Variants in PRKAG2 observed in about 807,000 individuals in gnomAD.
PRKAG2 encodes 5'-AMP-activated protein kinase subunit gamma-2.
In PRKAG2, 26 loss-of-function variants were observed where a neutral mutation model predicts 69.6. That is an observed-to-expected ratio of 0.37 (90% CI 0.27 to 0.52). The LOEUF (loss-of-function observed/expected upper bound fraction) is 0.52. PRKAG2 is among the 20% of genes least tolerant of loss of function. The pLI is 0.90. For synonymous variants in PRKAG2, 293 were observed against 285.0 expected (o/e 1.03, Z -0.28); for missense variants, 557 against 740.0 (o/e 0.75, Z 2.87).
At chr7:151,700,549 C>T (rs1837503999) in intron 3 of PRKAG2, among the ~76,000 whole-genome samples, 1 of 152,182 alleles carries the variant, frequency 6.6e-6, no homozygotes, top group South Asian at 2.1e-4. Flanking sequence ...GCCCCACCCT[C>T]AGAGATTCAG....
At chr7:151,826,403 G>A (rs986410184) in intron 1 of PRKAG2, among the ~76,000 whole-genome samples, 14 of 151,910 alleles carry the variant, frequency 9.2e-5, no homozygotes, top group African/African-American at 2.4e-4. Context: ...GGCTGGTCTC[G>A]AACTCCTGAT....
At chr7:151,871,668 C>T (rs2080222764) in intron 1 of PRKAG2, among the ~76,000 whole-genome samples, 1 of 152,258 alleles carries the variant, frequency 6.6e-6, no homozygotes, top group African/African-American at 2.4e-5. Context: ...CCGTCCACTA[C>T]CCACTGGCCC....
intron 3 of PRKAG2, among the ~76,000 whole-genome samples, chr7:151,739,554 C>T (rs2073722322): frequency 6.6e-6 from 1 of 152,104 alleles, no homozygotes; most frequent in South Asian, 2.1e-4. Flanking sequence ...ACTGCAGCCT[C>T]CGCCTCCTGG....
At position 151,614,914 on chromosome 7, in the gene PRKAG2, T is replaced by C. The variant is rs1023161181; in HGVS notation, c.754+17155A>G. On this transcript the variant is annotated intron_variant, in intron 5 of 15. Coordinates refer to ENST00000287878, the MANE Select transcript of PRKAG2 (RefSeq NM_016203.4). The surrounding 1 kb of genome is among the most constrained non-coding windows in gnomAD (Gnocchi z 4.4). ...GGGCCATGTGGATCCAGAGGGAACC[T>C]CGAGAGAGGAGCCGTGTGGATCTAG... is the stretch of plus-strand genomic sequence containing the variant. Among the ~76,000 whole-genome samples, 1 of 151,588 alleles carries C rather than the reference T, an allele frequency of 6.6e-6. No individual in the cohort carries two copies. Among genetic ancestry groups the C allele is most frequent in the Non-Finnish European group, 1.5e-5 (1 of 67,870 alleles).
At chr7:151,591,172 A>G (rs1813031581) in intron 6 of PRKAG2, among the ~76,000 whole-genome samples, 1 of 152,146 alleles carries the variant, frequency 6.6e-6, no homozygotes, top group Non-Finnish European at 1.5e-5. Flanking sequence ...GCTGTTCCCA[A>G]TGTAGTATCT....
intron 3 of PRKAG2, among the ~76,000 whole-genome samples, chr7:151,779,370 C>T (rs929736086): frequency 1.3e-5 from 2 of 152,208 alleles, no homozygotes; most frequent in Non-Finnish European, 2.9e-5. Context: ...GGACCCTCTG[C>T]CTGCAGGGAC....
chr7:151,588,314 G>C (rs974377607), intron 6 of PRKAG2, among the ~76,000 whole-genome samples: 1 of 150,718 alleles, frequency 6.6e-6, no homozygotes, highest in African/African-American at 2.5e-5. Context: ...TCATGGGGGG[G>C]AGTCTTTCCC....
chr7:151,733,277 G>A (rs890852171), intron 3 of PRKAG2, among the ~76,000 whole-genome samples: 2 of 152,248 alleles, frequency 1.3e-5, no homozygotes, highest in Non-Finnish European at 2.9e-5. Context: ...CTGAGCAGGG[G>A]CTATGGCCTC....
chr7:151,702,255 G>A (rs1320602416), intron 3 of PRKAG2, among the ~76,000 whole-genome samples: 2 of 152,230 alleles, frequency 1.3e-5, no homozygotes, highest in Non-Finnish European at 2.9e-5. Flanking sequence ...GGGTAGCCCA[G>A]TTGCATCTTC....
At chr7:151,658,486 A>G (rs914189394) in intron 4 of PRKAG2, among the ~76,000 whole-genome samples, 1 of 150,342 alleles carries the variant, frequency 6.7e-6, no homozygotes, top group South Asian at 2.1e-4. Flanking sequence ...TTGTCGCAAA[A>G]AAAAAAAAAA....
rs150973165 is a variant in PRKAG2, at chr7:151,598,716, C to T, written c.755-3262G>A. On this transcript the variant is annotated intron_variant, in intron 5 of 15. Coordinates refer to ENST00000287878, the MANE Select transcript of PRKAG2 (RefSeq NM_016203.4). ...AAAAAAATTTTAAAGGTACTATTTACATAAATGCTGTATGGAAATACGGAC... is the reference window on the plus strand; with the variant it reads ...AAAAAAATTTTAAAGGTACTATTTATATAAATGCTGTATGGAAATACGGAC... 1.5e-3 allele frequency among the ~76,000 whole-genome samples: 231 copies of T among 152,248 alleles called. 1 individual carries two copies. Among genetic ancestry groups the T allele is most frequent in the East Asian group, 0.014 (72 of 5,184 alleles).
intron 3 of PRKAG2, among the ~76,000 whole-genome samples, chr7:151,710,986 C>T (rs1391565541): frequency 1.3e-5 from 2 of 152,012 alleles, no homozygotes; most frequent in South Asian, 2.1e-4. Context: ...TAGAGTATTG[C>T]GAGTGCTAGG....
At chr7:151,591,085 A>C (rs1185849497) in intron 6 of PRKAG2, among the ~76,000 whole-genome samples, 1 of 151,988 alleles carries the variant, frequency 6.6e-6, no homozygotes, top group Non-Finnish European at 1.5e-5. Context: ...CCCAGAGGAC[A>C]CTCCCTCCTG....
intron 1 of PRKAG2, among the ~76,000 whole-genome samples, chr7:151,790,991 G>GTGTCTCGGGCTGGAGTGAGTA (rs2077251175): frequency 6.6e-6 from 1 of 152,252 alleles, no homozygotes; most frequent in Admixed American, 6.5e-5. Flanking sequence ...TCCCACGCAG[G>GTGTCTCGGGCTGGAGTGAGTA]TGTCTCGGGC....
chr7:151,655,223 G>A (rs1013404280), intron 4 of PRKAG2, among the ~76,000 whole-genome samples: 5 of 152,186 alleles, frequency 3.3e-5, no homozygotes, highest in African/African-American at 1.2e-4. Flanking sequence ...TCTCTGGACA[G>A]CCCTACACTG....
At chr7:151,661,838 G>A (rs1490485906) in intron 4 of PRKAG2, among the ~76,000 whole-genome samples, 1 of 152,168 alleles carries the variant, frequency 6.6e-6, no homozygotes, top group African/African-American at 2.4e-5. Flanking sequence ...ACTTTCTCCT[G>A]AGTCATTAAG....
intron 5 of PRKAG2, among the ~76,000 whole-genome samples, chr7:151,603,602 CACGCTCCGTCCTCACCGCACACGGAGGG>C (rs1309604600): frequency 3.3e-5 from 5 of 150,094 alleles, no homozygotes; most frequent in Admixed American, 6.6e-5. Flanking sequence ...CACGGAGGGA[CACGCTCCGTCCTCACCGCACACGGAGGG>C]ACCCGCTCCG....
At chr7:151,801,224 G>A (rs2077818972) in intron 1 of PRKAG2, among the ~76,000 whole-genome samples, 1 of 152,202 alleles carries the variant, frequency 6.6e-6, no homozygotes, top group Non-Finnish European at 1.5e-5. Context: ...CACAGAGAAA[G>A]GTGCATGCCA....
In PRKAG2 at chr7:151,567,254, C is replaced by T. The variant is rs959041801; in HGVS notation, c.1234-1369G>A. On this transcript the variant is annotated intron_variant, in intron 11 of 15. Transcript: ENST00000287878. This position sits in a 1 kb window ranked among gnomAD's most constrained non-coding sequence, Gnocchi z 4.2. ...GGAGAAAAGCATGGGGAGTGAGGAACGCTTGAAAGGGATCCTGGCTCTACC... is the reference window on the plus strand; with the variant it reads ...GGAGAAAAGCATGGGGAGTGAGGAATGCTTGAAAGGGATCCTGGCTCTACC... Among the ~76,000 whole-genome samples, 1 of 152,132 alleles carries T rather than the reference C, an allele frequency of 6.6e-6. No homozygotes were observed. Among genetic ancestry groups the T allele is most frequent in the African/African-American group, 2.4e-5 (1 of 41,418 alleles).
Sources: gnomAD v4.1 joint callset for allele counts (sites outside exome capture counted in the v4.1 genomes callset) on GRCh38, gnomAD v4.1.1 for gene constraint, Gnocchi (gnomAD v3.1) non-coding constraint, MANE v1.5 for transcripts, NCBI Gene and HGNC (gene_info 2026-07-23, HGNC 2026-07-21) for gene names.